Variants in DNAAF5 observed in about 807,000 individuals in gnomAD.
DNAAF5 encodes the protein dynein axonemal assembly factor 5, also known as HEAT repeat containing 2.
In DNAAF5, 64 loss-of-function variants were observed where a neutral mutation model predicts 75.8. That is an observed-to-expected ratio of 0.84 (90% CI 0.69 to 1.04). DNAAF5 has a LOEUF of 1.04. Among genes scored for constraint, DNAAF5 ranks in the 50% least tolerant of loss-of-function variants. The pLI is 0.00. For missense variants in DNAAF5, 1,269 were observed against 1,178.5 expected (o/e 1.08, Z -1.12); for synonymous variants, 657 against 557.2 (o/e 1.18, Z -2.52).
In DNAAF5 at chr7:757,864, A is replaced by T. The variant is rs566010722; in HGVS notation, c.1470+870A>T. ...GGCTCGATCGTTTCCGGCGGCTTCT[A>T]TGGCCCCAAAGCTGGCCTGGGGCAC... On this transcript the variant is annotated intron_variant, in intron 6 of 12. Transcript: ENST00000297440. Among the ~76,000 whole-genome samples, 553 of 152,324 alleles carry T rather than the reference A, an allele frequency of 3.6e-3. 5 individuals are homozygous for T. Among genetic ancestry groups the T allele is most frequent in the African/African-American group, 0.013 (528 of 41,570 alleles).
At chr7:782,696 ACG>A (rs1779009921) in intron 12 of DNAAF5, among the ~76,000 whole-genome samples, 1 of 84,624 alleles carries the variant, frequency 1.2e-5, no homozygotes, top group African/African-American at 5.2e-5. Flanking sequence ...GCCTCCCGTC[ACG>A]CAGCGTCAGA....
intron 4 of DNAAF5, among the ~76,000 whole-genome samples, chr7:747,255 A>G (rs1292670643): frequency 1.3e-5 from 2 of 152,224 alleles, no homozygotes; most frequent in African/African-American, 4.8e-5. Context: ...TGAGATTTCC[A>G]GGTGCTGCAG....
At position 756,965 on chromosome 7, in the gene DNAAF5, C is replaced by G. The variant is rs775750714; in HGVS notation, c.1441C>G (p.Gln481Glu). ...HLAAIATELAQAHICQASEND... is the reference protein window; with the variant it reads ...HLAAIATELAEAHICQASEND... Reference sequence around the variant, plus strand: ...GGCAGCCATCGCCACAGAGCTGGCACAGGCCCACATCTGCCAGGCATCTGA... The same window carrying G: ...GGCAGCCATCGCCACAGAGCTGGCAGAGGCCCACATCTGCCAGGCATCTGA... Residue 481 changes from glutamine to glutamate, a missense_variant, in exon 6 of 13, where the codon CAG (glutamine) becomes GAG (glutamate). Physicochemically the swap from Gln to Glu is conservative, Grantham distance 29 (BLOSUM62 2). Coordinates refer to ENST00000297440, the MANE Select transcript of DNAAF5 (RefSeq NM_017802.4). The G allele has an allele frequency of 6.2e-7, 1 of 1,605,976 alleles. No individual in the cohort carries two copies. Among genetic ancestry groups the G allele is most frequent in the South Asian group, 1.1e-5 (1 of 91,072 alleles).
rs1782432828 is a variant in DNAAF5, at chr7:754,828, G to A, written c.1257+7G>A. 6.3e-7 allele frequency: 1 copy of A among 1,592,252 alleles called. No individual in the cohort carries two copies. Among genetic ancestry groups the A allele is most frequent in the South Asian group, 1.1e-5 (1 of 89,868 alleles). On this transcript the variant is annotated splice_region_variant and intron_variant, in intron 5 of 12. Coordinates refer to ENST00000297440, the MANE Select transcript of DNAAF5 (RefSeq NM_017802.4). This position sits in a 1 kb window ranked among gnomAD's most constrained non-coding sequence, Gnocchi z 4.8. ...GGCAGCCGTGGTCCAAAGTGTAAGT[G>A]GCCGTATTCCAGTCGTGGTCGCGGA...
intron 12 of DNAAF5, among the ~76,000 whole-genome samples, chr7:780,365 A>G (rs1340894104): frequency 6.6e-6 from 1 of 152,274 alleles, no homozygotes; most frequent in East Asian, 1.9e-4. Flanking sequence ...AACTGAGAGT[A>G]TTCTAGAATA....
At position 761,853 on chromosome 7, in the gene DNAAF5, T is replaced by C; in HGVS notation, c.1571T>C (p.Leu524Pro). 1.9e-6 allele frequency: 3 copies of C among 1,594,278 alleles called. No individual in the cohort carries two copies. The highest frequency in any genetic ancestry group is 1.7e-6 in the Non-Finnish European group (2 of 1,170,758). The change falls in exon 7 of 13, where the codon CTG becomes CCG. Residue 524 changes from leucine (L) to proline (P), a missense_variant. By Grantham distance (98) the Leu-to-Pro change is moderately conservative. Transcript: ENST00000297440. ...AGCCTGCAGCTCTTGGACGTGCTGC[T>C]GACAATAGTGGCCCTCGCAGGTGCT... Reference protein sequence around the residue: ...VASLQLLDVLLTIVALAGATG... With the variant: ...VASLQLLDVLPTIVALAGATG...
At chr7:768,059 C>T (rs1183397051) in intron 8 of DNAAF5, among the ~76,000 whole-genome samples, 1 of 151,458 alleles carries the variant, frequency 6.6e-6, no homozygotes, top group Non-Finnish European at 1.5e-5. Flanking sequence ...GACACGTGGT[C>T]CGGGCGGAAG....
At chr7:749,400 CAGAG>C (rs1258742253) in intron 4 of DNAAF5, among the ~76,000 whole-genome samples, 35 of 152,298 alleles carry the variant, frequency 2.3e-4, no homozygotes, top group Non-Finnish European at 3.5e-4. Flanking sequence ...CACAGGAGGA[CAGAG>C]TTGGCTCTTC....
In DNAAF5 at chr7:741,375, G is replaced by A. The variant is rs762425082; in HGVS notation, c.934G>A (p.Val312Ile). 50 of 1,587,196 alleles carry A rather than the reference G, an allele frequency of 3.2e-5. No individual in the cohort carries two copies. The highest frequency in any genetic ancestry group is 2.8e-4 in the South Asian group (24 of 86,742). The change falls in exon 4 of 13, where the codon GTT (valine) becomes ATT (isoleucine). Residue 312 changes from valine (V) to isoleucine (I), a missense_variant. Val to Ile is a conservative substitution (Grantham distance 29, BLOSUM62 3). Coordinates refer to ENST00000297440, the MANE Select transcript of DNAAF5 (RefSeq NM_017802.4). ...RQLAASLWED[V>I]GLQWQKENEE... Reference sequence around the variant, plus strand: ...GCTGGCTGCCAGCCTCTGGGAGGACGTTGGCCTGCAGTGGCAGAAGGAGAA... The same window carrying A: ...GCTGGCTGCCAGCCTCTGGGAGGACATTGGCCTGCAGTGGCAGAAGGAGAA...
chr7:756,974 A>G lies in DNAAF5; in HGVS notation c.1450A>G (p.Ile484Val), dbSNP rs139727224. Residue 484 changes from isoleucine (I) to valine (V), a missense_variant, in exon 6 of 13, where the codon ATC (isoleucine) becomes GTC (valine). Coordinates refer to ENST00000297440, the MANE Select transcript of DNAAF5 (RefSeq NM_017802.4). Reference protein sequence around the residue: ...AIATELAQAHICQASENDLYL... With the variant: ...AIATELAQAHVCQASENDLYL... ...CGCCACAGAGCTGGCACAGGCCCAC[A>G]TCTGCCAGGCATCTGAAAACGTAAG... 25 of 1,604,746 alleles carry G rather than the reference A, an allele frequency of 1.6e-5. No individual in the cohort carries two copies. The African/African-American group carries it at 2.7e-4, about 17-fold the overall frequency.
At chr7:775,362 T>C (rs958053658) in intron 11 of DNAAF5, among the ~76,000 whole-genome samples, 200 bp downstream of exon 11, 1 of 151,814 alleles carries the variant, frequency 6.6e-6, no homozygotes, top group Non-Finnish European at 1.5e-5. Context: ...CTGGGCAACA[T>C]AGCCATACCC....
At chr7:749,279 G>T (rs919835684) in intron 4 of DNAAF5, among the ~76,000 whole-genome samples, 11 of 152,204 alleles carry the variant, frequency 7.2e-5, no homozygotes, top group African/African-American at 2.2e-4. Context: ...AGCGGCTCCA[G>T]AGTCCTTTCT....
At chr7:752,718 C>G (rs997922791) in intron 4 of DNAAF5, among the ~76,000 whole-genome samples, 11 of 152,222 alleles carry the variant, frequency 7.2e-5, no homozygotes, top group African/African-American at 2.7e-4. Flanking sequence ...CAGGGTAAAG[C>G]AATGTGTGGA....
chr7:729,084 C>T (rs1310079072), intron 1 of DNAAF5, among the ~76,000 whole-genome samples: 3 of 151,830 alleles, frequency 2.0e-5, no homozygotes, highest in Admixed American at 6.6e-5. Context: ...GCAACCTCCG[C>T]CTCCTGAGTT....
At position 757,216 on chromosome 7, in the gene DNAAF5, C is replaced by T. The variant is rs569169986; in HGVS notation, c.1470+222C>T. Among the ~76,000 whole-genome samples, 9 of 152,258 alleles carry T rather than the reference C, an allele frequency of 5.9e-5. No individual in the cohort carries two copies. In the South Asian group the frequency reaches 1.7e-3, roughly 28 times the overall value. ...TCGCTGATAGCCCTTGTTCCGGGGC[C>T]TCGTCCTGGGCTGTGCAGAGCTCCA... is the stretch of plus-strand genomic sequence containing the variant. On this transcript the variant is annotated intron_variant, in intron 6 of 12. Transcript: ENST00000297440.
chr7:756,956 G>C lies in DNAAF5; in HGVS notation c.1432G>C (p.Glu478Gln), dbSNP rs118139460. The C allele has an allele frequency of 6.2e-7, 1 of 1,606,914 alleles. No individual in the cohort carries two copies. The highest frequency in any genetic ancestry group is 8.5e-7 in the Non-Finnish European group (1 of 1,179,908). ...LQPHLAAIAT[E>Q]LAQAHICQAS... The stretch of plus-strand genomic sequence containing the variant: ...GCCGCACCTGGCAGCCATCGCCACA[G>C]AGCTGGCACAGGCCCACATCTGCCA... Residue 478 changes from glutamate to glutamine, a missense_variant, in exon 6 of 13, where the codon GAG becomes CAG. Physicochemically the swap from Glu to Gln is conservative, Grantham distance 29 (BLOSUM62 2). Coordinates refer to ENST00000297440, the MANE Select transcript of DNAAF5 (RefSeq NM_017802.4).
At chr7:775,373 C>A (rs73258290) in intron 11 of DNAAF5, among the ~76,000 whole-genome samples, 1 of 151,850 alleles carries the variant, frequency 6.6e-6, no homozygotes, top group African/African-American at 2.4e-5. Context: ...AGCCATACCC[C>A]GATCTCAACA....
chr7:783,121 T>G (rs1779030242), intron 12 of DNAAF5, among the ~76,000 whole-genome samples: 1 of 152,154 alleles, frequency 6.6e-6, no homozygotes, highest in African/African-American at 2.4e-5. Context: ...GTTCTGGGAG[T>G]GAGGGACTTG....
At chr7:751,160 C>T (rs113083804) in intron 4 of DNAAF5, among the ~76,000 whole-genome samples, 1,688 of 149,978 alleles carry the variant, frequency 0.011, 36 homozygotes, top group African/African-American at 0.04. Flanking sequence ...CAAAAAAAAA[C>T]GAAGAGAGGT....
Sources: allele counts gnomAD v4.1 joint callset (sites outside exome capture counted in the v4.1 genomes callset), GRCh38; gene constraint gnomAD v4.1.1; non-coding constraint Gnocchi (gnomAD v3.1); transcripts MANE v1.5; gene names NCBI Gene and HGNC (gene_info 2026-07-23, HGNC 2026-07-21).